Variants in ACP6 observed in about 807,000 individuals in gnomAD.
ACP6 encodes acid phosphatase 6, lysophosphatidic.
A neutral mutation model predicts 48.1 loss-of-function variants in ACP6; 48 were observed. That is an observed-to-expected ratio of 1.00 (90% CI 0.79 to 1.27). ACP6 has a LOEUF of 1.27. ACP6 is among the 50% of genes most tolerant of loss of function. ACP6 has a pLI of 0.00. For missense variants in ACP6, 485 were observed against 529.1 expected (o/e 0.92, Z 0.82); for synonymous variants, 172 against 204.2 (o/e 0.84, Z 1.34).
chr1:147,641,658 T>G (rs1252280068), downstream of ACP6, among the ~76,000 whole-genome samples: 2 of 152,226 alleles, frequency 1.3e-5, no homozygotes, highest in African/African-American at 2.4e-5. Context: ...TAGGAATTTA[T>G]GAAGAGCTTT....
At chr1:147,635,884 C>T (rs1023464965) in intron 5 of ACP6, among the ~76,000 whole-genome samples, 1 of 152,166 alleles carries the variant, frequency 6.6e-6, no homozygotes, top group Admixed American at 6.5e-5. Context: ...TGATCTAGCC[C>T]ACCTCTCCCA....
Position 147,669,817 on chromosome 1 carries a change from G to C in ACP6, c.219+13C>G, listed in dbSNP as rs782639646. ...CCTCGCCCCACCAGCCCCAGCCCGG[G>C]CCGACCTCTCACCTGCTCCTCCAGC... On this transcript the variant is annotated intron_variant, in intron 1 of 9. Transcript: ENST00000583509. 2.8e-5 allele frequency: 43 copies of C among 1,559,574 alleles called. No individual in the cohort carries two copies. The highest frequency in any genetic ancestry group is 3.6e-5 in the Non-Finnish European group (41 of 1,146,684).
rs1659483275 is a variant in ACP6, at chr1:147,642,457, G to A, written c.*4966C>T. On this transcript the variant is annotated 3_prime_UTR_variant, in exon 10 of 10. Transcript: ENST00000583509. ...GAAAAATGTGTGCCAAGGTAAAGAG[G>A]CCAGAGGAGTGCGATTTCCTTTTTT... The A allele has an allele frequency of 7.3e-6, 1 of 136,172 alleles. No homozygotes were observed. Among genetic ancestry groups the A allele is most frequent in the Non-Finnish European group, 1.6e-5 (1 of 64,424 alleles). The allele number at this position is 136,172 out of a possible 1,614,324, so 8.4% of individuals were successfully genotyped here.
At chr1:147,658,675 G>A (rs1660375444) in intron 4 of ACP6, among the ~76,000 whole-genome samples, 1 of 152,198 alleles carries the variant, frequency 6.6e-6, no homozygotes, top group African/African-American at 2.4e-5. Context: ...CACAAAACAT[G>A]GTTAGGACTG....
chr1:147,654,383 G>A (rs1660122596), intron 5 of ACP6, 57 bp from the exon 6 acceptor site: 2 of 1,589,140 alleles, frequency 1.3e-6, no homozygotes, highest in South Asian at 1.1e-5. Flanking sequence ...AGTTTACAAA[G>A]TGTGCTTCAC....
chr1:147,638,177 G>T (rs7524653), downstream of ACP6, among the ~76,000 whole-genome samples: 6 of 152,198 alleles, frequency 3.9e-5, no homozygotes, highest in East Asian at 1.9e-4. Flanking sequence ...TGCAGAGAAG[G>T]TTACAAGGGA....
chr1:147,633,289 C>T (rs1179838638), intron 5 of ACP6, among the ~76,000 whole-genome samples: 1 of 152,110 alleles, frequency 6.6e-6, no homozygotes, highest in African/African-American at 2.4e-5. Flanking sequence ...TTCTTTTTCC[C>T]AAGCTAAATG....
chr1:147,651,191 A>C (rs587775847), intron 7 of ACP6: 1 of 152,376 alleles, frequency 6.6e-6, no homozygotes, highest in South Asian at 2.1e-4. Context: ...AAGAATGTAT[A>C]CAGGCAAAGC....
rs781877613 is a variant in ACP6 at position 147,652,564 on chromosome 1, T to C, written c.781-15A>G. ...AGGTTGTGTGCCTGAAAGGGCCACATGTAGTTTTAGAAAAAAATGCTTCTT... is the reference window on the plus strand; with the variant it reads ...AGGTTGTGTGCCTGAAAGGGCCACACGTAGTTTTAGAAAAAAATGCTTCTT... On this transcript the variant is annotated splice_polypyrimidine_tract_variant and intron_variant, in intron 6 of 9. Transcript: ENST00000583509. 2.5e-6 allele frequency: 4 copies of C among 1,614,028 alleles called. No homozygotes were observed. In the African/African-American group the frequency reaches 4.0e-5, roughly 16 times the overall value.
chr1:147,642,120 T>A (rs1214251513), downstream of ACP6: 1 of 152,198 alleles, frequency 6.6e-6, no homozygotes, highest in East Asian at 1.9e-4. Context: ...AAATACGCTG[T>A]CAGAATTTGA....
At chr1:147,652,607 G>T (rs1553210773) in intron 6 of ACP6, 58 bp from the exon 7 acceptor site, 1 of 1,611,966 alleles carries the variant, frequency 6.2e-7, no homozygotes, top group Non-Finnish European at 8.5e-7. Flanking sequence ...GATTCTGGCA[G>T]CTGATCAGCT....
chr1:147,635,325 A>G (rs587655292), intron 5 of ACP6, among the ~76,000 whole-genome samples: 2 of 152,308 alleles, frequency 1.3e-5, no homozygotes, highest in East Asian at 1.9e-4. Flanking sequence ...CCTCCCAGCA[A>G]TCTTGGGCCA....
rs782800434 is a variant in ACP6 at position 147,659,001 on chromosome 1, G to A, written c.518C>T (p.Thr173Ile). ...GAAAAGCCCAGCCAGCAAACAACGG[G>A]TGGACTCCAGATTCCGAAAAATGTT... is the stretch of plus-strand genomic sequence containing the variant. ...STNIFRNLESTRCLLAGLFQC... is the reference protein window; with the variant it reads ...STNIFRNLESIRCLLAGLFQC... Residue 173 changes from threonine to isoleucine, a missense_variant, in exon 4 of 10, where the codon ACC (threonine) becomes ATC (isoleucine). Thr to Ile is a moderately conservative substitution (Grantham distance 89). Transcript: ENST00000583509. 47 of 1,612,352 alleles carry A rather than the reference G, an allele frequency of 2.9e-5. No individual in the cohort carries two copies. Among genetic ancestry groups the A allele is most frequent in the Non-Finnish European group, 3.8e-5 (45 of 1,179,078 alleles).
intron 5 of ACP6, among the ~76,000 whole-genome samples, chr1:147,633,897 T>A (rs1280187210): frequency 1.3e-5 from 2 of 152,220 alleles, no homozygotes; most frequent in Non-Finnish European, 2.9e-5. Flanking sequence ...ATTTTAACCA[T>A]TTTTAAGTAT....
chr1:147,653,266 G>A (rs1320564005), intron 6 of ACP6, among the ~76,000 whole-genome samples: 5 of 151,666 alleles, frequency 3.3e-5, no homozygotes, highest in Admixed American at 3.3e-4. Flanking sequence ...GAGTGGCTGG[G>A]ACTACAGACA....
intron 5 of ACP6, 138 bp downstream of exon 5, chr1:147,655,023 A>C: frequency 1.5e-6 from 1 of 648,338 alleles, no homozygotes; most frequent in Admixed American, 2.6e-5. Flanking sequence ...TGTCACACTT[A>C]AGTGTAATTT....
At chr1:147,655,480 G>C (rs1159363630) in intron 4 of ACP6, among the ~76,000 whole-genome samples, 1 of 152,200 alleles carries the variant, frequency 6.6e-6, no homozygotes, top group Non-Finnish European at 1.5e-5. Context: ...GCCTTGTTCT[G>C]TCTAGCGCAA....
At chr1:147,668,259 C>T (rs1553213972) in intron 1 of ACP6, among the ~76,000 whole-genome samples, 1 of 152,122 alleles carries the variant, frequency 6.6e-6, no homozygotes, top group Non-Finnish European at 1.5e-5. Flanking sequence ...GATTCAGATG[C>T]TATTTTGTGG....
intron 8 of ACP6, among the ~76,000 whole-genome samples, chr1:147,649,387 G>A (rs184457251): frequency 1.3e-5 from 2 of 152,138 alleles, no homozygotes; most frequent in East Asian, 1.9e-4. Context: ...TTCCACAGCC[G>A]TAGTCCCAAC....
Sources: allele counts gnomAD v4.1 joint callset (sites outside exome capture counted in the v4.1 genomes callset), GRCh38; gene constraint gnomAD v4.1.1; transcripts MANE v1.5; gene names NCBI Gene and HGNC (gene_info 2026-07-23, HGNC 2026-07-21).